The following PPFIA2 variants were observed in gnomAD, a reference collection of about 807,000 sequenced individuals.
PPFIA2 encodes the protein liprin-alpha-2.
In PPFIA2, 46 loss-of-function variants were observed where a neutral mutation model predicts 175.5. The ratio of observed to expected loss-of-function variants is 0.26; its 90% CI spans 0.21 to 0.34. The LOEUF is 0.34. Ranked by LOEUF, PPFIA2 falls within the 10% of genes least tolerant of loss-of-function variation. The pLI is 1.00. For missense variants in PPFIA2, 1,179 were observed against 1,506.1 expected (o/e 0.78, Z 3.60); for synonymous variants, 568 against 511.4 (o/e 1.11, Z -1.49).
intron 18 of PPFIA2, 95 bp from the exon 19 acceptor site, chr12:81,344,788 A>G (rs1357332730): frequency 4.7e-6 from 4 of 852,508 alleles, no homozygotes; most frequent in Non-Finnish European, 7.1e-6. Context: ...CTACAACTTG[A>G]CTATCATTTT....
At chr12:81,500,375 A>T (rs2060469136) in intron 4 of PPFIA2, among the ~76,000 whole-genome samples, 1 of 152,150 alleles carries the variant, frequency 6.6e-6, no homozygotes, top group Admixed American at 6.6e-5. Context: ...CACAAAAAAC[A>T]CTTCATAAAT....
chr12:81,708,051 T>G (rs1030332078), intron 3 of PPFIA2, among the ~76,000 whole-genome samples: 5 of 145,202 alleles, frequency 3.4e-5, no homozygotes, highest in East Asian at 2.2e-4. Context: ...AGGGATAGCA[T>G]TGGGAGATAT....
chr12:81,394,870 T>C (rs1596022267), intron 8 of PPFIA2, among the ~76,000 whole-genome samples: 1 of 152,012 alleles, frequency 6.6e-6, no homozygotes, highest in South Asian at 2.1e-4. Flanking sequence ...TATTGTATTC[T>C]GAAAATACTT....
At chr12:81,522,638 C>G (rs2063290507) in intron 4 of PPFIA2, among the ~76,000 whole-genome samples, 1 of 152,186 alleles carries the variant, frequency 6.6e-6, no homozygotes, top group African/African-American at 2.4e-5. Context: ...AGCACTACTA[C>G]TAATATTTTG....
intron 4 of PPFIA2, chr12:81,535,333 T>G (rs2065219570): frequency 2.2e-6 from 1 of 451,364 alleles, no homozygotes; most frequent in Non-Finnish European, 4.4e-6. Context: ...TTCCGGAGTT[T>G]GGGAACTCTT....
At chr12:81,382,293 A>C (rs970226683) in intron 9 of PPFIA2, among the ~76,000 whole-genome samples, 2 of 152,156 alleles carry the variant, frequency 1.3e-5, no homozygotes, top group Admixed American at 1.3e-4. Context: ...GGAAGGTGGT[A>C]GTAGAGAGAT....
At chr12:81,662,572 C>CA (rs919942413) in intron 4 of PPFIA2, among the ~76,000 whole-genome samples, 22 of 152,056 alleles carry the variant, frequency 1.4e-4, no homozygotes, top group Non-Finnish European at 3.2e-4. Context: ...GCTTACCAAC[C>CA]AAAAAAAGTC....
chr12:81,622,210 T>C (rs971620673), intron 4 of PPFIA2, among the ~76,000 whole-genome samples: 4 of 152,294 alleles, frequency 2.6e-5, no homozygotes, highest in East Asian at 1.9e-4. Flanking sequence ...ATTGGGTATA[T>C]CAACTTGGGT....
At chr12:81,394,808 TA>T (rs10718613) in intron 8 of PPFIA2, among the ~76,000 whole-genome samples, 20,347 of 136,478 alleles carry the variant, frequency 0.15, 1,832 homozygotes, top group East Asian at 0.37. Flanking sequence ...TCCCAGAAGT[TA>T]AAAAAAAAAA....
chr12:81,726,216 G>A (rs11114991), intron 3 of PPFIA2, among the ~76,000 whole-genome samples: 25,686 of 150,848 alleles, frequency 0.17, 2,680 homozygotes, highest in Admixed American at 0.25. Context: ...AAAACTACTC[G>A]AAGACAGTAC....
At chr12:81,598,019 T>G (rs2059426253) in intron 4 of PPFIA2, 5 of 1,534,968 alleles carry the variant, frequency 3.3e-6, no homozygotes, top group Non-Finnish European at 4.4e-6. Context: ...GGTGTTCATA[T>G]CCGAGAAAAT....
chr12:81,296,174 C>G (rs2046393858), intron 23 of PPFIA2, among the ~76,000 whole-genome samples: 1 of 151,874 alleles, frequency 6.6e-6, no homozygotes, highest in Non-Finnish European at 1.5e-5. Flanking sequence ...AAAAAATCAG[C>G]CAGGCGTGGT....
intron 4 of PPFIA2, among the ~76,000 whole-genome samples, chr12:81,602,007 A>T (rs2059844125): frequency 6.6e-6 from 1 of 151,684 alleles, no homozygotes; most frequent in African/African-American, 2.4e-5. Context: ...ACATAATTTT[A>T]TTTTACTATA....
chr12:81,453,331 G>A (rs1038675600), intron 5 of PPFIA2, among the ~76,000 whole-genome samples: 1 of 151,926 alleles, frequency 6.6e-6, no homozygotes, highest in African/African-American at 2.4e-5. Flanking sequence ...AAACAACTCC[G>A]ACAATAAAAA....
intron 4 of PPFIA2, among the ~76,000 whole-genome samples, chr12:81,544,242 C>A (rs2066649560): frequency 6.6e-6 from 1 of 152,016 alleles, no homozygotes. Flanking sequence ...AAAAATAGAT[C>A]TTTATTTTTG....
At position 81,659,969 on chromosome 12, in the gene PPFIA2, G is replaced by C. The variant is rs374604804; in HGVS notation, c.303+16822C>G. Among the ~76,000 whole-genome samples the C allele has an allele frequency of 1.2e-4, 18 of 152,286 alleles. No individual in the cohort carries two copies. The East Asian group carries it at 2.3e-3, about 20-fold the overall frequency. Reference sequence around the variant, plus strand: ...GAGGGAACTCTGGCAAATTCCAACAGACCTGCAGCTGAGGGTCCTGACTGT... The same window carrying C: ...GAGGGAACTCTGGCAAATTCCAACACACCTGCAGCTGAGGGTCCTGACTGT... On this transcript the variant is annotated intron_variant, in intron 4 of 32. Transcript: ENST00000549396.
At chr12:81,509,486 C>T (rs1241603313) in intron 4 of PPFIA2, among the ~76,000 whole-genome samples, 1 of 152,086 alleles carries the variant, frequency 6.6e-6, no homozygotes, top group African/African-American at 2.4e-5. Flanking sequence ...TTTTCTCTGT[C>T]CCAAGGAGAT....
intron 4 of PPFIA2, among the ~76,000 whole-genome samples, chr12:81,601,556 A>G (rs1464757719): frequency 6.6e-6 from 1 of 151,788 alleles, no homozygotes; most frequent in Non-Finnish European, 1.5e-5. Context: ...AACTGCCTAA[A>G]GGAAATAATA....
chr12:81,703,158 G>C (rs1031679787), intron 3 of PPFIA2, among the ~76,000 whole-genome samples: 4 of 151,962 alleles, frequency 2.6e-5, no homozygotes, highest in African/African-American at 9.7e-5. Context: ...CCTTATTAAA[G>C]GCTACTTACT....
Sources: allele counts gnomAD v4.1 joint callset (sites outside exome capture counted in the v4.1 genomes callset), GRCh38; gene constraint gnomAD v4.1.1; transcripts MANE v1.5; gene names NCBI Gene and HGNC (gene_info 2026-07-23, HGNC 2026-07-21).